Variants in BFSP2 observed in about 807,000 individuals in gnomAD.
BFSP2 encodes beaded filament structural protein 2.
BFSP2 carries 38 observed loss-of-function variants against 44.9 expected under a neutral mutation model. That is an observed-to-expected ratio of 0.85 (90% CI 0.65 to 1.11). The LOEUF (loss-of-function observed/expected upper bound fraction) is 1.11, where lower values mean the gene tolerates loss of function less well. Ranked by LOEUF, BFSP2 falls within the 50% of genes least tolerant of loss-of-function variation. BFSP2 has a pLI of 0.00. For missense variants in BFSP2, 525 were observed against 533.0 expected (o/e 0.99, Z 0.15); for synonymous variants, 197 against 209.9 (o/e 0.94, Z 0.53).
At chr3:133,455,565 T>G (rs1320307043) in intron 4 of BFSP2, 2 of 152,200 alleles carry the variant, frequency 1.3e-5, no homozygotes, top group Non-Finnish European at 2.9e-5. Context: ...TTTAGCTGAT[T>G]TGGAACCATA....
At chr3:133,468,714 A>T (rs1012766173) in intron 5 of BFSP2, among the ~76,000 whole-genome samples, 2 of 152,182 alleles carry the variant, frequency 1.3e-5, no homozygotes, top group African/African-American at 4.8e-5. Context: ...ACCACATTCT[A>T]GTGGTCAAAG....
At chr3:133,447,003 A>T (rs1163947198) in intron 1 of BFSP2, among the ~76,000 whole-genome samples, 2 of 151,816 alleles carry the variant, frequency 1.3e-5, no homozygotes, top group Non-Finnish European at 2.9e-5. Flanking sequence ...AAGGAGCCGG[A>T]CTCTGCCCTG....
rs147898012 is a variant in BFSP2 at position 133,438,481 on chromosome 3, G to A, written c.490-8836G>A. Among the ~76,000 whole-genome samples the A allele has an allele frequency of 2.7e-3, 415 of 152,320 alleles. 11 individuals are homozygous for A. The highest frequency in any genetic ancestry group is 0.024 in the Admixed American group (361 of 15,302). The stretch of plus-strand genomic sequence containing the variant: ...ACCTGGGAGGCAGAGGTTGCAGTGA[G>A]CTGAGATCACACCACTGCACTCCAG... On this transcript the variant is annotated intron_variant, in intron 1 of 6. Transcript: ENST00000302334.
At chr3:133,470,070 C>T (rs1207611781) in intron 5 of BFSP2, among the ~76,000 whole-genome samples, 2 of 152,210 alleles carry the variant, frequency 1.3e-5, no homozygotes, top group South Asian at 2.1e-4. Context: ...ACAAATGATG[C>T]TCAAAGTCAA....
intron 5 of BFSP2, among the ~76,000 whole-genome samples, chr3:133,470,323 G>A (rs376181179): frequency 3.3e-5 from 5 of 152,194 alleles, no homozygotes; most frequent in East Asian, 1.9e-4. Flanking sequence ...AGATGGTGTC[G>A]TGACAGAATT....
intron 1 of BFSP2, among the ~76,000 whole-genome samples, chr3:133,417,170 C>A (rs1273761245): frequency 7.2e-6 from 1 of 138,776 alleles, no homozygotes; most frequent in African/African-American, 2.8e-5. Context: ...CTACTCACCC[C>A]TGCCATCTCT....
At chr3:133,424,312 C>A (rs1173177074) in intron 1 of BFSP2, among the ~76,000 whole-genome samples, 1 of 148,680 alleles carries the variant, frequency 6.7e-6, no homozygotes, top group Non-Finnish European at 1.5e-5. Flanking sequence ...TCGTGATCCA[C>A]CCGCCTCGGC....
intron 1 of BFSP2, among the ~76,000 whole-genome samples, chr3:133,439,046 C>T (rs2073819375): frequency 6.6e-6 from 1 of 152,244 alleles, no homozygotes; most frequent in Non-Finnish European, 1.5e-5. Flanking sequence ...TGAGTTTCCT[C>T]ATCACATAAT....
chr3:133,463,528 G>A (rs1382611103), intron 4 of BFSP2, among the ~76,000 whole-genome samples: 1 of 152,206 alleles, frequency 6.6e-6, no homozygotes, highest in Non-Finnish European at 1.5e-5. Flanking sequence ...ACTTCGGAGG[G>A]GAGCATGCGC....
chr3:133,436,504 G>T (rs1174440627), intron 1 of BFSP2, among the ~76,000 whole-genome samples: 1 of 152,046 alleles, frequency 6.6e-6, no homozygotes, highest in Non-Finnish European at 1.5e-5. Context: ...CTCTAGTGAG[G>T]AACTGCCATG....
chr3:133,450,222 G>C (rs1218912649), intron 3 of BFSP2, 81 bp from the exon 4 acceptor site: 5 of 1,512,478 alleles, frequency 3.3e-6, no homozygotes, highest in Non-Finnish European at 4.6e-6. Context: ...ATTGCCCACA[G>C]AGCTGGTTTT....
Position 133,403,961 on chromosome 3 carries a change from C to T in BFSP2, c.489+3389C>T, listed in dbSNP as rs553610114. Among the ~76,000 whole-genome samples, 17 of 150,166 alleles carry T rather than the reference C, an allele frequency of 1.1e-4. No homozygotes were observed. In the South Asian group the frequency reaches 3.6e-3, roughly 32 times the overall value. ...AACTAGGGTGCCAGGAGGGCTCACACCATGGCAGAATCAGGAAGGCCGTCC... is the reference window on the plus strand; with the variant it reads ...AACTAGGGTGCCAGGAGGGCTCACATCATGGCAGAATCAGGAAGGCCGTCC... On this transcript the variant is annotated intron_variant, in intron 1 of 6. Transcript: ENST00000302334.
chr3:133,458,602 T>C (rs890722263), intron 4 of BFSP2, among the ~76,000 whole-genome samples: 7 of 152,060 alleles, frequency 4.6e-5, no homozygotes, highest in Non-Finnish European at 8.8e-5. Flanking sequence ...AGCTGAGGCA[T>C]GAGAATCACT....
rs147444973 is a variant in BFSP2, at chr3:133,444,913, C to G, written c.490-2404C>G. On this transcript the variant is annotated intron_variant, in intron 1 of 6. Transcript: ENST00000302334. The stretch of plus-strand genomic sequence containing the variant: ...GTAGTCAGAGGGTCCACTTAGTGCA[C>G]AGATCACCTCTGTAACCTGCTCAAG... Among the ~76,000 whole-genome samples the G allele has an allele frequency of 9.1e-3, 1,377 of 152,068 alleles. 27 individuals carry two copies. The highest frequency in any genetic ancestry group is 0.031 in the African/African-American group (1,286 of 41,544).
intron 1 of BFSP2, among the ~76,000 whole-genome samples, chr3:133,437,107 T>C (rs527689896): frequency 3.9e-4 from 60 of 152,310 alleles, no homozygotes; most frequent in African/African-American, 1.4e-3. Context: ...TTATAATCCT[T>C]TGGGTATATA....
intron 4 of BFSP2, among the ~76,000 whole-genome samples, chr3:133,454,921 T>G (rs539514809): frequency 6.6e-6 from 1 of 152,370 alleles, no homozygotes; most frequent in East Asian, 1.9e-4. Flanking sequence ...TGTTAAAAAC[T>G]AAGACACATA....
In BFSP2 at chr3:133,457,673, C is replaced by T. The variant is rs573552151; in HGVS notation, c.891+7209C>T. ...CCCACAAGCCAAATCTGACCCATTG[C>T]CTGTTTTTACAAATAAAGTTTTATT... On this transcript the variant is annotated intron_variant, in intron 4 of 6. Transcript: ENST00000302334. Among the ~76,000 whole-genome samples the T allele has an allele frequency of 4.6e-5, 7 of 152,278 alleles. No homozygotes were observed. The South Asian group carries it at 1.5e-3, about 32-fold the overall frequency.
intron 1 of BFSP2, among the ~76,000 whole-genome samples, chr3:133,445,803 C>T (rs1465017268): frequency 6.6e-6 from 1 of 152,116 alleles, no homozygotes; most frequent in African/African-American, 2.4e-5. Flanking sequence ...GAGACTTGAG[C>T]ATCCGTGGGG....
intron 4 of BFSP2, among the ~76,000 whole-genome samples, chr3:133,455,031 CAT>C (rs1284921217): frequency 6.6e-6 from 1 of 152,254 alleles, no homozygotes; most frequent in Non-Finnish European, 1.5e-5. Context: ...GGGGCAGTGA[CAT>C]GTGTGGAGCT....
Sources: allele counts gnomAD v4.1 joint callset (sites outside exome capture counted in the v4.1 genomes callset), GRCh38; gene constraint gnomAD v4.1.1; transcripts MANE v1.5; gene names NCBI Gene and HGNC (gene_info 2026-07-23, HGNC 2026-07-21).